OSBPL10: variants seen among roughly 807,000 people sequenced by gnomAD.
OSBPL10 encodes oxysterol binding protein like 10.
A neutral mutation model predicts 81.7 loss-of-function variants in OSBPL10; 49 were observed. The ratio of observed to expected loss-of-function variants is 0.60; its 90% CI spans 0.48 to 0.76. The LOEUF is 0.76. Ranked by LOEUF, OSBPL10 falls within the 30% of genes least tolerant of loss-of-function variation. The pLI is 0.00. For missense variants in OSBPL10, 923 were observed against 987.8 expected, an observed-to-expected ratio of 0.93 and a Z score of 0.88; for synonymous variants, 419 against 383.6, an observed-to-expected ratio of 1.09 and a Z score of -1.08.
At chr3:31,749,949 G>C (rs559988062) in intron 4 of OSBPL10, among the ~76,000 whole-genome samples, 139 of 152,016 alleles carry the variant, frequency 9.1e-4, no homozygotes, top group Middle Eastern at 3.4e-3. Flanking sequence ...GGGAGGCTAA[G>C]GCGGGTGGAT....
chr3:31,908,184 A>T (rs1413201466), intron 1 of OSBPL10, among the ~76,000 whole-genome samples: 1 of 152,094 alleles, frequency 6.6e-6, no homozygotes, highest in South Asian at 2.1e-4. Flanking sequence ...AAGTGATGGG[A>T]GATGAAGGGA....
chr3:31,961,601 T>C (rs1698164379), intron 1 of OSBPL10, among the ~76,000 whole-genome samples: 1 of 152,044 alleles, frequency 6.6e-6, no homozygotes, highest in Non-Finnish European at 1.5e-5. Flanking sequence ...CATTTGTATT[T>C]TATTTATTTA....
intron 2 of OSBPL10, among the ~76,000 whole-genome samples, chr3:32,043,889 A>C (rs946768161): frequency 9.9e-6 from 1 of 100,962 alleles, no homozygotes; most frequent in African/African-American, 2.9e-5. Context: ...AGATGGCAAC[A>C]ATAGACACTG....
At chr3:31,885,853 G>A (rs1211678247) in intron 1 of OSBPL10, among the ~76,000 whole-genome samples, 2 of 149,160 alleles carry the variant, frequency 1.3e-5, no homozygotes, top group African/African-American at 5.0e-5. Context: ...AAATTAGCCT[G>A]GCATGGTGGC....
intron 4 of OSBPL10, among the ~76,000 whole-genome samples, chr3:31,769,527 CATT>C (rs908279381): frequency 2.9e-5 from 4 of 137,070 alleles, no homozygotes; most frequent in Admixed American, 2.2e-4. Context: ...TATTATAACT[CATT>C]ATAAAAATAT....
chr3:31,876,297 A>T, intron 3 of OSBPL10, 136 bp downstream of exon 3: 1 of 689,372 alleles, frequency 1.5e-6, no homozygotes, highest in Non-Finnish European at 2.5e-6. Context: ...TATGTGCAGC[A>T]GGACAAGTAG....
chr3:32,051,534 G>A (rs1412310945), intron 1 of OSBPL10, among the ~76,000 whole-genome samples: 1 of 152,198 alleles, frequency 6.6e-6, no homozygotes, highest in Non-Finnish European at 1.5e-5. Flanking sequence ...CCCACTGAGA[G>A]ATAAGACTCC....
At chr3:32,055,191 C>CTTTTTT (rs139735770) in intron 1 of OSBPL10, among the ~76,000 whole-genome samples, 9 of 58,300 alleles carry the variant, frequency 1.5e-4, no homozygotes, top group African/African-American at 3.7e-4. Flanking sequence ...CTATTTATAG[C>CTTTTTT]TTTTTTTTTT....
At chr3:31,970,018 A>T (rs1698511210) in intron 1 of OSBPL10, among the ~76,000 whole-genome samples, 1 of 152,148 alleles carries the variant, frequency 6.6e-6, no homozygotes, top group African/African-American at 2.4e-5. Context: ...CAGTAATCTC[A>T]TCTATAAAAT....
At chr3:31,994,618 T>C (rs1559545821) in intron 2 of OSBPL10, among the ~76,000 whole-genome samples, 1 of 152,184 alleles carries the variant, frequency 6.6e-6, no homozygotes, top group Non-Finnish European at 1.5e-5. Flanking sequence ...AGATGTCTTT[T>C]CTATACACCT....
At chr3:31,957,974 C>T (rs958801559) in intron 1 of OSBPL10, among the ~76,000 whole-genome samples, 1 of 152,160 alleles carries the variant, frequency 6.6e-6, no homozygotes, top group Non-Finnish European at 1.5e-5. Flanking sequence ...TTTAAAGTCA[C>T]ATTGTATAGA....
chr3:31,892,461 G>T (rs1695919886), intron 1 of OSBPL10, among the ~76,000 whole-genome samples: 1 of 152,172 alleles, frequency 6.6e-6, no homozygotes, highest in South Asian at 2.1e-4. Context: ...AGAGGGAGCA[G>T]AAAGGCGGCT....
intron 9 of OSBPL10, 128 bp downstream of exon 9, chr3:31,670,668 GA>G: frequency 9.0e-7 from 1 of 1,110,820 alleles, no homozygotes; most frequent in Non-Finnish European, 1.3e-6. Context: ...ATCTCTTTTG[GA>G]AAAGACCTTA....
chr3:31,782,098 A>ATTTT (rs1698711596), intron 4 of OSBPL10, among the ~76,000 whole-genome samples: 1 of 152,242 alleles, frequency 6.6e-6, no homozygotes. Flanking sequence ...CTGGTATAAA[A>ATTTT]ATATGCACAT....
chr3:32,011,021 C>T (rs1699251289), intron 2 of OSBPL10, among the ~76,000 whole-genome samples: 1 of 152,212 alleles, frequency 6.6e-6, no homozygotes, highest in Non-Finnish European at 1.5e-5. Flanking sequence ...GGGGGCAAGG[C>T]ATAGCCAAAC....
At chr3:31,662,398 AAAG>A (rs1191319180) in intron 11 of OSBPL10, 1 of 1,166,762 alleles carries the variant, frequency 8.6e-7, no homozygotes, top group Non-Finnish European at 1.1e-6. Flanking sequence ...TGGCCAAAAA[AAAG>A]AAGCACTTTG....
intron 1 of OSBPL10, among the ~76,000 whole-genome samples, chr3:31,956,188 C>T (rs796762694): frequency 6.6e-6 from 1 of 152,184 alleles, no homozygotes; most frequent in South Asian, 2.1e-4. Flanking sequence ...GGCTCTGATC[C>T]TGCCTCCCAC....
intron 4 of OSBPL10, among the ~76,000 whole-genome samples, chr3:31,764,404 T>C (rs1698140773): frequency 6.6e-6 from 1 of 151,720 alleles, no homozygotes; most frequent in Non-Finnish European, 1.5e-5. Flanking sequence ...GGTGGATAAA[T>C]GGAGGAGAGG....
intron 1 of OSBPL10, among the ~76,000 whole-genome samples, chr3:31,911,338 G>C (rs940880738): frequency 6.6e-6 from 1 of 152,152 alleles, no homozygotes; most frequent in African/African-American, 2.4e-5. Context: ...AAAGAAAACA[G>C]TGGGATGGTT....
Sources: gnomAD v4.1 joint callset for allele counts (sites outside exome capture counted in the v4.1 genomes callset) on GRCh38, gnomAD v4.1.1 for gene constraint, MANE v1.5 for transcripts, NCBI Gene and HGNC (gene_info 2026-07-23, HGNC 2026-07-21) for gene names.